Variants in YAE1 observed in about 807,000 individuals in gnomAD.
YAE1 encodes protein YAE1 homolog.
In YAE1, 22 loss-of-function variants were observed where a neutral mutation model predicts 23.0. The observed-to-expected ratio is 0.96, with a 90% CI of 0.68 to 1.37. YAE1 has a LOEUF of 1.37. YAE1 is among the 40% of genes most tolerant of loss of function. The pLI is 0.00. For synonymous variants in YAE1, 101 were observed against 97.0 expected, an observed-to-expected ratio of 1.04 and a Z score of -0.24; for missense variants, 260 against 262.1, an observed-to-expected ratio of 0.99 and a Z score of 0.06.
downstream of YAE1, among the ~76,000 whole-genome samples, chr7:39,576,414 T>G (rs944585348): frequency 1.3e-5 from 2 of 152,180 alleles, no homozygotes; most frequent in African/African-American, 4.8e-5. Flanking sequence ...GTTGAAGTGT[T>G]GGGCCCAAAA....
intron 2 of YAE1, among the ~76,000 whole-genome samples, chr7:39,594,510 A>AT (rs549491485): frequency 6.7e-5 from 10 of 148,724 alleles, no homozygotes; most frequent in South Asian, 2.1e-4. Flanking sequence ...CAATGCCTTC[A>AT]TTTTTTTTTT....
chr7:39,611,663 G>A (rs113156280), downstream of YAE1, among the ~76,000 whole-genome samples: 3,967 of 152,306 alleles, frequency 0.026, 80 homozygotes, highest in Admixed American at 0.067. Flanking sequence ...TTCCACAGCT[G>A]AGGCACAGAA....
At chr7:39,567,837 C>G (rs1790498320) in intron 1 of YAE1, among the ~76,000 whole-genome samples, 1 of 152,144 alleles carries the variant, frequency 6.6e-6, no homozygotes, top group African/African-American at 2.4e-5. Flanking sequence ...CAGAAATTGT[C>G]TACTACATAA....
chr7:39,566,700 G>T lies in YAE1; in HGVS notation c.129+153G>T, dbSNP rs116390844. ...GACCCGCGTCTTGCTAGGATTTCTCGATGGTTACTTGAAAGCGTGTAAAAC... is the reference window on the plus strand; with the variant it reads ...GACCCGCGTCTTGCTAGGATTTCTCTATGGTTACTTGAAAGCGTGTAAAAC... On this transcript the variant is annotated intron_variant, in intron 1 of 2. Coordinates refer to ENST00000223273, the MANE Select transcript of YAE1 (RefSeq NM_020192.5). 5.5e-4 allele frequency: 595 copies of T among 1,077,968 alleles called. 2 individuals are homozygous for T. In the African/African-American group the frequency reaches 8.5e-3, roughly 15 times the overall value. 66.8% of individuals were successfully genotyped at this position (1,077,968 alleles called of 1,614,324 possible). A position where few individuals can be genotyped will look rare whatever the true frequency, so the allele number is the denominator to read the frequency against.
chr7:39,575,425 T>C (rs2115784493), downstream of YAE1, among the ~76,000 whole-genome samples: 1 of 152,204 alleles, frequency 6.6e-6, no homozygotes, highest in South Asian at 2.1e-4. Context: ...TATTAACTGC[T>C]TTGTGGGAAA....
chr7:39,577,496 C>T (rs889881705), downstream of YAE1, among the ~76,000 whole-genome samples: 1 of 152,174 alleles, frequency 6.6e-6, no homozygotes, highest in African/African-American at 2.4e-5. Context: ...TTGGCAGGCC[C>T]TGCACTTGGA....
intron 2 of YAE1, among the ~76,000 whole-genome samples, chr7:39,595,007 T>TTGTTTC (rs965711983): frequency 1.3e-5 from 2 of 152,158 alleles, no homozygotes; most frequent in Admixed American, 6.5e-5. Context: ...ACGCTTTGGT[T>TTGTTTC]TGTTTTTGTT....
chr7:39,573,066 T>C (rs991466255), downstream of YAE1, among the ~76,000 whole-genome samples: 1 of 152,074 alleles, frequency 6.6e-6, no homozygotes, highest in Non-Finnish European at 1.5e-5. Context: ...TATTAGGTGG[T>C]CAGGACCTCA....
chr7:39,609,383 GTGAATCATATTTACATCAC>G (rs1791173447), intron 2 of YAE1, among the ~76,000 whole-genome samples: 1 of 152,226 alleles, frequency 6.6e-6, no homozygotes. Context: ...AAGCTGTGCA[GTGAATCATATTTACATCAC>G]CATCATGTGG....
At chr7:39,583,319 A>G (rs2115803411) in intron 2 of YAE1, among the ~76,000 whole-genome samples, 1 of 152,340 alleles carries the variant, frequency 6.6e-6, no homozygotes, top group Non-Finnish European at 1.5e-5. Context: ...AAAGTTCTTT[A>G]TTGCATTTGT....
intron 2 of YAE1, among the ~76,000 whole-genome samples, chr7:39,588,393 T>A (rs561287905): frequency 4.0e-5 from 6 of 151,000 alleles, no homozygotes; most frequent in Non-Finnish European, 7.4e-5. Context: ...GTGCCTGTAA[T>A]CCCAGCTACT....
intron 2 of YAE1, among the ~76,000 whole-genome samples, chr7:39,579,718 C>T (rs59818431): frequency 0.13 from 20,194 of 151,204 alleles, 1,748 homozygotes; most frequent in African/African-American, 0.25. Context: ...CTTCCCCAGT[C>T]AGCAAGTATT....
chr7:39,587,254 G>A (rs1008139955), intron 2 of YAE1, among the ~76,000 whole-genome samples: 1 of 151,340 alleles, frequency 6.6e-6, no homozygotes, highest in Admixed American at 6.6e-5. Flanking sequence ...ATGGGGTTTC[G>A]CCGTGTTGCC....
At chr7:39,610,049 AGCACCCAGTGCT>A (rs1791187887) in exon 3 of YAE1, 2 of 1,468,642 alleles carry the variant, frequency 1.4e-6, no homozygotes, top group Non-Finnish European at 9.0e-7. Flanking sequence ...CTCAGCACCC[AGCACCCAGTGCT>A]GCAGGTTTCT....
intron 2 of YAE1, among the ~76,000 whole-genome samples, chr7:39,596,356 G>T (rs1790973153): frequency 6.6e-6 from 1 of 151,718 alleles, no homozygotes; most frequent in African/African-American, 2.4e-5. Context: ...CAGCCTCCCA[G>T]CCTCCCAAAT....
chr7:39,603,748 G>T (rs542064681), intron 2 of YAE1, among the ~76,000 whole-genome samples: 1 of 152,276 alleles, frequency 6.6e-6, no homozygotes, highest in South Asian at 2.1e-4. Flanking sequence ...AAAGTTTAGT[G>T]TGTATTATGG....
intron 2 of YAE1, among the ~76,000 whole-genome samples, chr7:39,589,299 T>A (rs1181606286): frequency 1.3e-5 from 2 of 152,204 alleles, no homozygotes; most frequent in Non-Finnish European, 2.9e-5. Flanking sequence ...TGAACACATG[T>A]GTTTTAGAAT....
intron 2 of YAE1, among the ~76,000 whole-genome samples, chr7:39,609,335 A>C (rs1462388233): frequency 6.6e-6 from 1 of 152,252 alleles, no homozygotes; most frequent in African/African-American, 2.4e-5. Flanking sequence ...AAGCCAAACA[A>C]AAATCTTTAA....
chr7:39,566,404 G>A lies in YAE1; in HGVS notation c.-15G>A, dbSNP rs202233622. 2.3e-4 allele frequency: 374 copies of A among 1,611,882 alleles called. No individual in the cohort carries two copies. The African/African-American group carries it at 4.1e-3, about 18-fold the overall frequency. ...GGCGCTTCCGGTGGCCTGCGACCCCGTAATTGCCTCGGTGATGTCGTGGGT... is the reference window on the plus strand; with the variant it reads ...GGCGCTTCCGGTGGCCTGCGACCCCATAATTGCCTCGGTGATGTCGTGGGT... On this transcript the variant is annotated 5_prime_UTR_variant, in exon 1 of 3. Coordinates refer to ENST00000223273, the MANE Select transcript of YAE1 (RefSeq NM_020192.5).
Sources: allele counts gnomAD v4.1 joint callset (sites outside exome capture counted in the v4.1 genomes callset), GRCh38; gene constraint gnomAD v4.1.1; transcripts MANE v1.5; gene names NCBI Gene and HGNC (gene_info 2026-07-23, HGNC 2026-07-21).